PATJ: variants seen among roughly 807,000 people sequenced by gnomAD.
PATJ encodes the protein inaD-like protein.
In PATJ, 190 loss-of-function variants were observed where a neutral mutation model predicts 224.9. The observed-to-expected ratio is 0.84, with a 90% confidence interval of 0.75 to 0.95. PATJ has a LOEUF of 0.95. Ranked by LOEUF, PATJ falls within the 40% of genes least tolerant of loss-of-function variation. The probability of loss-of-function intolerance (pLI) is 0.00; values close to 1 mark genes in which losing one functional copy is unlikely to be tolerated. For missense variants in PATJ, 2,121 were observed against 2,270.3 expected, an observed-to-expected ratio of 0.93 and a Z score of 1.34; for synonymous variants, 769 against 820.3, an observed-to-expected ratio of 0.94 and a Z score of 1.07.
intron 14 of PATJ, among the ~76,000 whole-genome samples, chr1:61,812,779 G>A (rs182874499): frequency 1.3e-5 from 2 of 152,070 alleles, no homozygotes; most frequent in East Asian, 1.9e-4. Flanking sequence ...AACCTGGGAG[G>A]TGGAGGCCTC....
intron 4 of PATJ, among the ~76,000 whole-genome samples, chr1:61,769,001 T>C (rs1646453683): frequency 6.6e-6 from 1 of 152,234 alleles, no homozygotes; most frequent in African/African-American, 2.4e-5. Context: ...AAGGCATTTT[T>C]CTCAGGAGTT....
At chr1:62,013,991 C>T (rs530264664) in intron 28 of PATJ, among the ~76,000 whole-genome samples, 9 of 152,332 alleles carry the variant, frequency 5.9e-5, no homozygotes, top group African/African-American at 2.2e-4. Flanking sequence ...CCAGGCTGGT[C>T]TTGAGTTCCT....
In PATJ at chr1:62,106,135, CAT is replaced by C. The variant is rs1302729872; in HGVS notation, c.4378-2301_4378-2300del. On this transcript the variant is annotated intron_variant, in intron 33 of 43. Coordinates refer to ENST00000642238, the MANE Select transcript of PATJ (RefSeq NM_001350145.3). ...ACACACACACAAACACACATATATA[CAT>C]GTGTATATGTGTGTGTGTGTGTATA... Among the ~76,000 whole-genome samples, 55 of 50,742 alleles carry C rather than the reference CAT, an allele frequency of 1.1e-3. 3 individuals are homozygous for C. Among genetic ancestry groups the C allele is most frequent in the Non-Finnish European group, 1.2e-3 (29 of 23,984 alleles). 33.3% of individuals were successfully genotyped at this position (50,742 alleles called of 152,430 possible). A position where few individuals can be genotyped will look rare whatever the true frequency, so the allele number is the denominator to read the frequency against.
chr1:62,044,636 G>T (rs1244811366), intron 30 of PATJ, among the ~76,000 whole-genome samples: 8 of 152,188 alleles, frequency 5.3e-5, no homozygotes, highest in African/African-American at 1.9e-4. Flanking sequence ...CTTAGAAGTT[G>T]TGTTTTTTAA....
chr1:61,850,289 A>G (rs1464039755), intron 17 of PATJ, among the ~76,000 whole-genome samples: 3 of 152,200 alleles, frequency 2.0e-5, no homozygotes, highest in Non-Finnish European at 4.4e-5. Flanking sequence ...TTCATATAAT[A>G]CATTTTATAG....
At chr1:62,143,538 C>T (rs1158185054) in intron 41 of PATJ, among the ~76,000 whole-genome samples, 8 of 148,294 alleles carry the variant, frequency 5.4e-5, no homozygotes, top group African/African-American at 2.0e-4. Flanking sequence ...GCAACCTCTG[C>T]CTCCTGGGTT....
At chr1:62,035,479 A>G (rs191820555) in intron 29 of PATJ, among the ~76,000 whole-genome samples, 24 of 152,316 alleles carry the variant, frequency 1.6e-4, no homozygotes, top group African/African-American at 5.8e-4. Flanking sequence ...TTAGAAACTG[A>G]GACTCTGAGA....
intron 21 of PATJ, among the ~76,000 whole-genome samples, chr1:61,876,661 G>A (rs115484307): frequency 0.015 from 2,319 of 152,216 alleles, 31 homozygotes; most frequent in Non-Finnish European, 0.023. Flanking sequence ...GTCTCCAGAT[G>A]TGGCCACATG....
chr1:62,153,223 G>C, intron 42 of PATJ, 135 bp from the exon 43 acceptor site: 1 of 540,426 alleles, frequency 1.9e-6, no homozygotes. Context: ...ATTGCTTTCT[G>C]AGAGTTTGAT....
chr1:62,004,187 C>T (rs1006186904), intron 28 of PATJ, among the ~76,000 whole-genome samples: 2 of 152,182 alleles, frequency 1.3e-5, no homozygotes, highest in African/African-American at 4.8e-5. Context: ...AGTACCGGAT[C>T]CTTGAGGGCG....
At chr1:61,930,448 T>G (rs544297801) in intron 27 of PATJ, among the ~76,000 whole-genome samples, 1 of 152,316 alleles carries the variant, frequency 6.6e-6, no homozygotes, top group Non-Finnish European at 1.5e-5. Context: ...GTTTTTACAG[T>G]GATGAAAGTA....
At chr1:61,903,644 T>A (rs1290719727) in intron 24 of PATJ, among the ~76,000 whole-genome samples, 1 of 152,184 alleles carries the variant, frequency 6.6e-6, no homozygotes, top group Non-Finnish European at 1.5e-5. Context: ...GTGGATTTGT[T>A]GTTGGTGATT....
chr1:61,836,694 CTTG>C (rs71759640), intron 17 of PATJ, among the ~76,000 whole-genome samples: 2,994 of 152,292 alleles, frequency 0.02, 111 homozygotes, highest in African/African-American at 0.068. Context: ...TATACCATCC[CTTG>C]TTGTAATTAG....
rs1212460921 is a variant in PATJ, at chr1:62,160,877, T to G, written c.5503-31T>G. On this transcript the variant is annotated intron_variant, in intron 43 of 43. Transcript: ENST00000642238. Reference sequence around the variant, plus strand: ...ATTTAATATAAACTGTGTTTTACCCTGGATTAAACTGAAATGTTTCTTGTT... The same window carrying G: ...ATTTAATATAAACTGTGTTTTACCCGGGATTAAACTGAAATGTTTCTTGTT... 5.6e-6 allele frequency: 9 copies of G among 1,611,420 alleles called. No individual in the cohort carries two copies. In the African/African-American group the frequency reaches 1.2e-4, roughly 22 times the overall value.
intron 28 of PATJ, among the ~76,000 whole-genome samples, chr1:62,001,386 T>C (rs148342725): frequency 0.092 from 11,699 of 126,610 alleles, 712 homozygotes; most frequent in Non-Finnish European, 0.11. Flanking sequence ...AGGAAGGGAT[T>C]CAGTTTCAGC....
In PATJ at chr1:61,769,376, G is replaced by A; in HGVS notation, c.478G>A (p.Val160Ile). The A allele has an allele frequency of 6.2e-7, 1 of 1,614,114 alleles. No homozygotes were observed. The highest frequency in any genetic ancestry group is 8.5e-7 in the Non-Finnish European group (1 of 1,180,016). The change falls in exon 5 of 44, where the codon GTT becomes ATT. Residue 160 changes from valine (V) to isoleucine (I), a missense_variant. Val to Ile is a conservative substitution (Grantham distance 29). Transcript: ENST00000642238. Reference sequence around the variant, plus strand: ...CCTCAGAAGTCAAAATCTCGGAAAAGTTGATATCTTCGTGAAGGATGTCCA... The same window carrying A: ...CCTCAGAAGTCAAAATCTCGGAAAAATTGATATCTTCGTGAAGGATGTCCA... ...VALRSQNLGK[V>I]DIFVKDVQPG...
intron 30 of PATJ, among the ~76,000 whole-genome samples, chr1:62,042,571 GTAT>G (rs767371645): frequency 2.6e-5 from 4 of 151,998 alleles, no homozygotes; most frequent in Non-Finnish European, 4.4e-5. Context: ...TAATAATTCA[GTAT>G]TATTAAGTAG....
rs6587953 is a variant in PATJ, at chr1:61,983,059, T to C, written c.3671-7109T>C. On this transcript the variant is annotated intron_variant, in intron 27 of 43. Coordinates refer to ENST00000642238, the MANE Select transcript of PATJ (RefSeq NM_001350145.3). ...TTTCTTTATCAAATGGAGTCTGAAATTAAGGAGGGGTGACTGTAAGAGAAG... is the reference window on the plus strand; with the variant it reads ...TTTCTTTATCAAATGGAGTCTGAAACTAAGGAGGGGTGACTGTAAGAGAAG... 1.2e-3 allele frequency among the ~76,000 whole-genome samples: 178 copies of C among 151,738 alleles called. 2 individuals carry two copies. Among genetic ancestry groups the C allele is most frequent in the Middle Eastern group, 6.8e-3 (2 of 294 alleles).
chr1:62,136,634 A>AT, intron 41 of PATJ, among the ~76,000 whole-genome samples: 1 of 142,422 alleles, frequency 7.0e-6, no homozygotes, highest in Middle Eastern at 3.7e-3. Context: ...AGTGCTGAGG[A>AT]TTTTTATGTT....
Sources: allele counts gnomAD v4.1 joint callset (sites outside exome capture counted in the v4.1 genomes callset), GRCh38; gene constraint gnomAD v4.1.1; transcripts MANE v1.5; gene names NCBI Gene and HGNC (gene_info 2026-07-23, HGNC 2026-07-21).